PLXDC2: variants seen among roughly 807,000 people sequenced by gnomAD.
PLXDC2 encodes plexin domain-containing protein 2.
PLXDC2 carries 40 observed loss-of-function variants against 68.9 expected under a neutral mutation model. The observed-to-expected ratio is 0.58, with a 90% CI of 0.45 to 0.76. PLXDC2 has a LOEUF of 0.76. Among genes scored for constraint, PLXDC2 ranks in the 30% least tolerant of loss-of-function variants. The pLI, the probability that PLXDC2 is intolerant of heterozygous loss-of-function variation, is 0.00. For synonymous variants in PLXDC2, 243 were observed against 234.2 expected (o/e 1.04, Z -0.34); for missense variants, 644 against 661.9 (o/e 0.97, Z 0.30).
At chr10:20,160,212 C>G (rs1163839008) in intron 6 of PLXDC2, among the ~76,000 whole-genome samples, 2 of 152,066 alleles carry the variant, frequency 1.3e-5, no homozygotes, top group Non-Finnish European at 2.9e-5. Context: ...TAGTAGACAT[C>G]ATTCTTAGGA....
intron 2 of PLXDC2, among the ~76,000 whole-genome samples, chr10:20,015,645 G>A (rs1383177421): frequency 6.6e-6 from 1 of 151,960 alleles, no homozygotes; most frequent in African/African-American, 2.4e-5. Flanking sequence ...GGCTCTGGAA[G>A]ACAAGGAAGA....
intron 12 of PLXDC2, among the ~76,000 whole-genome samples, chr10:20,221,076 C>T (rs995051603): frequency 6.6e-6 from 1 of 152,044 alleles, no homozygotes; most frequent in African/African-American, 2.4e-5. Flanking sequence ...CTCCTGACCT[C>T]AGGTGATCCA....
At chr10:19,862,476 G>C (rs971703928) in intron 1 of PLXDC2, among the ~76,000 whole-genome samples, 4 of 152,168 alleles carry the variant, frequency 2.6e-5, no homozygotes, top group African/African-American at 9.7e-5. Flanking sequence ...TTGCAGTAAA[G>C]ATAGCGAAGC....
At chr10:20,208,018 A>G (rs1169081052) in intron 9 of PLXDC2, among the ~76,000 whole-genome samples, 1 of 152,202 alleles carries the variant, frequency 6.6e-6, no homozygotes, top group African/African-American at 2.4e-5. Context: ...AAAATAATAA[A>G]AAAAAGAAAG....
chr10:19,956,016 T>C (rs920378618), intron 1 of PLXDC2, among the ~76,000 whole-genome samples: 1 of 152,116 alleles, frequency 6.6e-6, no homozygotes, highest in Admixed American at 6.6e-5. Flanking sequence ...GAGGCTGAGA[T>C]TGCAGTGAGC....
chr10:20,192,135 A>C (rs550151510), intron 9 of PLXDC2, among the ~76,000 whole-genome samples: 37 of 152,074 alleles, frequency 2.4e-4, no homozygotes, highest in Non-Finnish European at 5.0e-4. Context: ...TGGTGGAGGC[A>C]GGACTTAAAA....
chr10:20,132,196 G>A (rs1318622550), intron 4 of PLXDC2, among the ~76,000 whole-genome samples: 4 of 151,894 alleles, frequency 2.6e-5, no homozygotes, highest in Non-Finnish European at 4.4e-5. Context: ...TCATTTCATC[G>A]TGGTCTGAAA....
intron 2 of PLXDC2, among the ~76,000 whole-genome samples, chr10:20,020,025 T>A (rs980540088): frequency 6.7e-6 from 1 of 150,108 alleles, no homozygotes; most frequent in African/African-American, 2.5e-5. Flanking sequence ...CTTTTTTTTT[T>A]ATTTTTTGTT....
At chr10:20,044,001 TAACAATAG>T (rs948231292) in intron 2 of PLXDC2, among the ~76,000 whole-genome samples, 29 of 152,146 alleles carry the variant, frequency 1.9e-4, no homozygotes, top group Middle Eastern at 6.8e-3. Context: ...CAAGGTGATT[TAACAATAG>T]AAAAAGATTC....
At position 20,076,231 on chromosome 10, in the gene PLXDC2, G is replaced by A. The variant is rs543437982; in HGVS notation, c.541+7992G>A. On this transcript the variant is annotated intron_variant, in intron 4 of 13. Transcript: ENST00000377252. ...ATTAGACCCTGGCCATTTCAGAAAT[G>A]AGTTCAAAAGAGTTCCCTCAATTCC... 2.0e-5 allele frequency among the ~76,000 whole-genome samples: 3 copies of A among 152,292 alleles called. No homozygotes were observed. In the South Asian group the frequency reaches 6.2e-4, roughly 32 times the overall value.
intron 1 of PLXDC2, among the ~76,000 whole-genome samples, chr10:19,899,437 A>G (rs1239899724): frequency 2.0e-5 from 3 of 152,198 alleles, no homozygotes; most frequent in Non-Finnish European, 4.4e-5. Context: ...TGGCATTTAA[A>G]TTACCAACTG....
chr10:20,270,482 G>A (rs1835924098), intron 13 of PLXDC2, among the ~76,000 whole-genome samples: 2 of 152,128 alleles, frequency 1.3e-5, no homozygotes, highest in African/African-American at 2.4e-5. Flanking sequence ...TGAATATGTA[G>A]GATGAAGAAG....
At chr10:20,267,310 T>A (rs1489945801) in intron 13 of PLXDC2, among the ~76,000 whole-genome samples, 1 of 152,186 alleles carries the variant, frequency 6.6e-6, no homozygotes, top group Non-Finnish European at 1.5e-5. Context: ...GTATCTATCC[T>A]CTTTCTTATT....
intron 4 of PLXDC2, among the ~76,000 whole-genome samples, chr10:20,119,098 C>T (rs80250953): frequency 0.012 from 1,895 of 152,034 alleles, 32 homozygotes; most frequent in African/African-American, 0.04. Flanking sequence ...AGGGTAGAGG[C>T]ATCCAGGAGA....
chr10:20,259,599 G>A (rs544151917), intron 13 of PLXDC2, among the ~76,000 whole-genome samples: 67 of 152,284 alleles, frequency 4.4e-4, no homozygotes, highest in Non-Finnish European at 6.2e-4. Flanking sequence ...AATGTTGTTG[G>A]GTTTTATGTG....
intron 1 of PLXDC2, among the ~76,000 whole-genome samples, chr10:19,985,215 T>C (rs928823771): frequency 2.6e-5 from 4 of 152,234 alleles, no homozygotes; most frequent in Non-Finnish European, 4.4e-5. Flanking sequence ...TTATGGCCAA[T>C]AAGCCACCAT....
chr10:20,159,675 G>T (rs191405046), intron 6 of PLXDC2, among the ~76,000 whole-genome samples: 1 of 152,152 alleles, frequency 6.6e-6, no homozygotes, highest in South Asian at 2.1e-4. Context: ...AGGAATACAC[G>T]CTCCCTATGA....
At chr10:20,113,534 C>T (rs1396721543) in intron 4 of PLXDC2, among the ~76,000 whole-genome samples, 1 of 152,142 alleles carries the variant, frequency 6.6e-6, no homozygotes, top group Non-Finnish European at 1.5e-5. Context: ...TCCATGGGTT[C>T]CTGAGATAGA....
Position 20,127,288 on chromosome 10 carries a change from G to A in PLXDC2, c.542-16007G>A, listed in dbSNP as rs529922258. On this transcript the variant is annotated intron_variant, in intron 4 of 13. Coordinates refer to ENST00000377252, the MANE Select transcript of PLXDC2 (RefSeq NM_032812.9). Reference sequence around the variant, plus strand: ...TCAGGACATTGCGTGTTCTGATTTGGATGGATTCTGGTAAAATTCAGAGAT... The same window carrying A: ...TCAGGACATTGCGTGTTCTGATTTGAATGGATTCTGGTAAAATTCAGAGAT... 3.2e-4 allele frequency among the ~76,000 whole-genome samples: 49 copies of A among 152,248 alleles called. 1 individual carries two copies. The South Asian group carries it at 8.7e-3, about 27-fold the overall frequency.
Sources: gnomAD v4.1 joint callset for allele counts (sites outside exome capture counted in the v4.1 genomes callset) on GRCh38, gnomAD v4.1.1 for gene constraint, MANE v1.5 for transcripts, NCBI Gene and HGNC (gene_info 2026-07-23, HGNC 2026-07-21) for gene names.